The following COG5 variants were observed in gnomAD, a reference collection of about 807,000 sequenced individuals.
COG5 encodes conserved oligomeric Golgi complex subunit 5.
In COG5, 86 loss-of-function variants were observed where a neutral mutation model predicts 110.4. The observed-to-expected ratio is 0.78, with a 90% CI of 0.65 to 0.93. The LOEUF is 0.93. Among genes scored for constraint, COG5 ranks in the 40% least tolerant of loss-of-function variants. The pLI is 0.00. For synonymous variants in COG5, 360 were observed against 334.6 expected (o/e 1.08, Z -0.83); for missense variants, 1,077 against 987.0 (o/e 1.09, Z -1.22).
In COG5 at chr7:107,514,329, T is replaced by TACACACACAC. The variant is rs61351697; in HGVS notation, c.538+12898_538+12907dup. 3.7e-3 allele frequency among the ~76,000 whole-genome samples: 544 copies of TACACACACAC among 145,734 alleles called. 4 individuals are homozygous for TACACACACAC. The highest frequency in any genetic ancestry group is 0.012 in the African/African-American group (498 of 39,960). The stretch of plus-strand genomic sequence containing the variant: ...TTTTCTATATAAACATGGCCTATTT[T>TACACACACAC]ACACACACACACACACACACACACA... On this transcript the variant is annotated intron_variant, in intron 6 of 21. Transcript: ENST00000297135.
intron 10 of COG5, among the ~76,000 whole-genome samples, chr7:107,352,688 A>G (rs1272004408): frequency 1.6e-5 from 2 of 127,894 alleles, no homozygotes; most frequent in East Asian, 2.2e-4. Flanking sequence ...ATCATTTGAT[A>G]TGTCTAAAAG....
intron 14 of COG5, among the ~76,000 whole-genome samples, chr7:107,270,275 T>C (rs75264067): frequency 4.3e-5 from 6 of 138,626 alleles, no homozygotes; most frequent in South Asian, 2.3e-4. Context: ...TTTTTTTTTT[T>C]CTGAGACAGG....
chr7:107,303,263 T>A (rs1807435564), intron 11 of COG5, among the ~76,000 whole-genome samples: 1 of 152,118 alleles, frequency 6.6e-6, no homozygotes, highest in Admixed American at 6.6e-5. Flanking sequence ...ACAAAAATCT[T>A]ATCTATACAG....
chr7:107,224,037 A>G (rs1042116474), intron 19 of COG5, among the ~76,000 whole-genome samples: 1 of 152,266 alleles, frequency 6.6e-6, no homozygotes, highest in African/African-American at 2.4e-5. Context: ...AAAGAGCAAC[A>G]AAACAACTAA....
At chr7:107,467,097 T>C (rs1796336312) in intron 6 of COG5, among the ~76,000 whole-genome samples, 1 of 152,152 alleles carries the variant, frequency 6.6e-6, no homozygotes, top group Admixed American at 6.6e-5. Flanking sequence ...AGTTAGAGAC[T>C]TCCCATAGGA....
chr7:107,559,539 G>A (rs1803610689), intron 1 of COG5, among the ~76,000 whole-genome samples: 1 of 152,172 alleles, frequency 6.6e-6, no homozygotes, highest in Non-Finnish European at 1.5e-5. Flanking sequence ...CCAGACACAT[G>A]GCAGGTTCCA....
chr7:107,460,372 G>A (rs1171436125), intron 6 of COG5, among the ~76,000 whole-genome samples: 1 of 151,830 alleles, frequency 6.6e-6, no homozygotes, highest in Admixed American at 6.6e-5. Context: ...CACCCTGGGT[G>A]AGAGAGCAAA....
At chr7:107,241,691 A>T (rs1045513910) in intron 17 of COG5, among the ~76,000 whole-genome samples, 2 of 151,996 alleles carry the variant, frequency 1.3e-5, no homozygotes, top group Non-Finnish European at 2.9e-5. Context: ...TGACCTCGTG[A>T]TCCGCCCGTC....
At chr7:107,437,300 C>A (rs1280533153) in intron 6 of COG5, among the ~76,000 whole-genome samples, 2 of 152,134 alleles carry the variant, frequency 1.3e-5, no homozygotes, top group African/African-American at 4.8e-5. Flanking sequence ...TAGCTAGCCC[C>A]AGTGCATTCT....
intron 8 of COG5, among the ~76,000 whole-genome samples, chr7:107,365,596 CAAAAAA>C (rs71134263): frequency 4.6e-4 from 17 of 36,702 alleles, no homozygotes; most frequent in East Asian, 1.3e-3. Flanking sequence ...TGCAAAATGA[CAAAAAA>C]AAAAAAAAAA....
At chr7:107,410,112 T>C (rs1309779283) in intron 7 of COG5, among the ~76,000 whole-genome samples, 1 of 152,214 alleles carries the variant, frequency 6.6e-6, no homozygotes, top group Non-Finnish European at 1.5e-5. Context: ...GATGGCATTT[T>C]GCTGTGCAGG....
chr7:107,293,834 G>A (rs958573077), intron 12 of COG5, among the ~76,000 whole-genome samples: 5 of 152,170 alleles, frequency 3.3e-5, no homozygotes, highest in Admixed American at 1.3e-4. Flanking sequence ...CACTTTGGGA[G>A]GCTGAGGTGG....
chr7:107,562,099 G>A lies in COG5; in HGVS notation c.94+1704C>T, dbSNP rs144816876. ...TGAGGTTAAATTCATAGGTTTGATGGGCAAGAAATGGAGAAAGTTCACATC... is the reference window on the plus strand; with the variant it reads ...TGAGGTTAAATTCATAGGTTTGATGAGCAAGAAATGGAGAAAGTTCACATC... On this transcript the variant is annotated intron_variant, in intron 1 of 21. Transcript: ENST00000297135. Among the ~76,000 whole-genome samples the A allele has an allele frequency of 4.6e-5, 7 of 152,334 alleles. No homozygotes were observed. In the East Asian group the frequency reaches 1.3e-3, roughly 29 times the overall value.
intron 17 of COG5, among the ~76,000 whole-genome samples, chr7:107,238,258 G>A (rs537109778): frequency 6.6e-6 from 1 of 152,258 alleles, no homozygotes; most frequent in Non-Finnish European, 1.5e-5. Flanking sequence ...GTCTTTTGGT[G>A]TCTGGCTTAC....
intron 11 of COG5, 132 bp downstream of exon 11, chr7:107,324,308 T>C (rs1183473844): frequency 1.6e-6 from 1 of 618,318 alleles, no homozygotes; most frequent in African/African-American, 1.9e-5. Context: ...CTAGACAAAA[T>C]AACAATTAGC....
intron 6 of COG5, among the ~76,000 whole-genome samples, chr7:107,484,750 C>G (rs1322785000): frequency 1.3e-5 from 2 of 152,174 alleles, no homozygotes; most frequent in Non-Finnish European, 2.9e-5. Flanking sequence ...ATAATAACAT[C>G]AAACTAAAGT....
chr7:107,484,370 A>C (rs892883868), intron 6 of COG5, among the ~76,000 whole-genome samples: 9 of 152,290 alleles, frequency 5.9e-5, no homozygotes, highest in Non-Finnish European at 1.2e-4. Flanking sequence ...ATTTCTTTTT[A>C]ATTTTTATTT....
At chr7:107,478,837 A>G (rs552542788) in intron 6 of COG5, among the ~76,000 whole-genome samples, 37 of 152,146 alleles carry the variant, frequency 2.4e-4, no homozygotes, top group African/African-American at 8.2e-4. Flanking sequence ...GGGTCAAAAA[A>G]TCTAAAATCA....
At chr7:107,217,928 AC>A (rs1234020923) in intron 19 of COG5, among the ~76,000 whole-genome samples, 2 of 152,060 alleles carry the variant, frequency 1.3e-5, no homozygotes, top group Non-Finnish European at 2.9e-5. Context: ...ATGAAATATT[AC>A]CTGCTTGCAT....
Sources: allele counts gnomAD v4.1 joint callset (sites outside exome capture counted in the v4.1 genomes callset), GRCh38; gene constraint gnomAD v4.1.1; transcripts MANE v1.5; gene names NCBI Gene and HGNC (gene_info 2026-07-23, HGNC 2026-07-21).